Variants in ADGRB3 observed in about 807,000 individuals in gnomAD.
ADGRB3 encodes adhesion G protein-coupled receptor B3.
ADGRB3 carries 37 observed loss-of-function variants against 193.4 expected under a neutral mutation model. The observed-to-expected ratio is 0.19, with a 90% CI of 0.15 to 0.25. ADGRB3 has a LOEUF of 0.25. Ranked by LOEUF, ADGRB3 falls within the 10% of genes least tolerant of loss-of-function variation. ADGRB3 has a pLI of 1.00. For missense variants in ADGRB3, 1,637 were observed against 1,852.9 expected, an observed-to-expected ratio of 0.88 and a Z score of 2.14; for synonymous variants, 690 against 644.2, an observed-to-expected ratio of 1.07 and a Z score of -1.08.
At chr6:68,814,575 G>C (rs570272697) in intron 3 of ADGRB3, among the ~76,000 whole-genome samples, 2 of 152,138 alleles carry the variant, frequency 1.3e-5, no homozygotes, top group East Asian at 3.9e-4. Context: ...TGTCAATTTT[G>C]GCTTTTGTTG....
intron 17 of ADGRB3, among the ~76,000 whole-genome samples, chr6:69,231,497 G>A (rs1415124187): frequency 6.6e-6 from 1 of 152,132 alleles, no homozygotes; most frequent in Non-Finnish European, 1.5e-5. Flanking sequence ...TCTCTTAAGT[G>A]TATCTTTCTT....
intron 3 of ADGRB3, among the ~76,000 whole-genome samples, chr6:68,727,077 G>A (rs779555136): frequency 2.6e-5 from 4 of 151,526 alleles, no homozygotes; most frequent in Non-Finnish European, 4.4e-5. Flanking sequence ...CCGTGTGGTA[G>A]CCCCTGTAAG....
intron 17 of ADGRB3, among the ~76,000 whole-genome samples, chr6:69,138,028 C>T (rs1215731599): frequency 7.9e-5 from 12 of 152,144 alleles, no homozygotes; most frequent in Non-Finnish European, 1.5e-5. Flanking sequence ...TACAGAATAA[C>T]ATGGAAGAGC....
chr6:69,279,454 G>C (rs1358513828), intron 20 of ADGRB3, among the ~76,000 whole-genome samples: 1 of 147,976 alleles, frequency 6.8e-6, no homozygotes, highest in Non-Finnish European at 1.5e-5. Context: ...CAAGAATGCT[G>C]TGTGTGTGTG....
At chr6:68,642,671 T>C (rs1409092203) in intron 3 of ADGRB3, among the ~76,000 whole-genome samples, 2 of 152,068 alleles carry the variant, frequency 1.3e-5, no homozygotes, top group African/African-American at 4.8e-5. Flanking sequence ...GAAACTCAGT[T>C]ATTTCCCTAA....
At chr6:68,850,383 A>G (rs1768373526) in intron 3 of ADGRB3, among the ~76,000 whole-genome samples, 2 of 151,938 alleles carry the variant, frequency 1.3e-5, no homozygotes, top group Non-Finnish European at 2.9e-5. Context: ...TTATTGGGTT[A>G]CATTTTTGTT....
intron 3 of ADGRB3, among the ~76,000 whole-genome samples, chr6:68,887,896 C>T (rs142909141): frequency 1.9e-4 from 29 of 152,192 alleles, no homozygotes; most frequent in Middle Eastern, 3.4e-3. Context: ...TTTCCAAGTT[C>T]GTTATGAACA....
chr6:69,193,863 C>A (rs1009526231), intron 17 of ADGRB3, among the ~76,000 whole-genome samples: 2 of 151,454 alleles, frequency 1.3e-5, no homozygotes, highest in Non-Finnish European at 2.9e-5. Flanking sequence ...ACCATGAAAA[C>A]CCAGGTCAAA....
At chr6:69,049,645 A>G (rs1027298968) in intron 15 of ADGRB3, among the ~76,000 whole-genome samples, 1 of 152,126 alleles carries the variant, frequency 6.6e-6, no homozygotes, top group Admixed American at 6.5e-5. Context: ...TCTATAATAG[A>G]ATGGGTCATT....
At chr6:69,072,741 A>T (rs183986626) in intron 16 of ADGRB3, among the ~76,000 whole-genome samples, 1 of 152,302 alleles carries the variant, frequency 6.6e-6, no homozygotes, top group Non-Finnish European at 1.5e-5. Flanking sequence ...CATACTCTTC[A>T]CTGTGATGTT....
intron 16 of ADGRB3, among the ~76,000 whole-genome samples, chr6:69,070,662 T>G (rs542416901): frequency 6.6e-6 from 1 of 152,210 alleles, no homozygotes; most frequent in African/African-American, 2.4e-5. Context: ...ATTATTAAAA[T>G]GCAGATTTCT....
rs553614995 is a variant in ADGRB3 at position 68,981,040 on chromosome 6, C to A, written c.1734+5700C>A. On this transcript the variant is annotated intron_variant, in intron 10 of 31. Coordinates refer to ENST00000370598, the MANE Select transcript of ADGRB3 (RefSeq NM_001704.3). ...TGCATCCATATACATGTATTTCTAA[C>A]TACATGGTCCTCTCATGAAATCATG... 9.9e-5 allele frequency among the ~76,000 whole-genome samples: 15 copies of A among 151,646 alleles called. No homozygotes were observed. The South Asian group carries it at 3.1e-3, about 32-fold the overall frequency.
At chr6:68,732,613 G>A (rs555306627) in intron 3 of ADGRB3, among the ~76,000 whole-genome samples, 5 of 152,028 alleles carry the variant, frequency 3.3e-5, no homozygotes, top group Non-Finnish European at 5.9e-5. Context: ...ACTTTGCAGA[G>A]CATTCAGCTG....
intron 8 of ADGRB3, among the ~76,000 whole-genome samples, chr6:68,958,746 A>G (rs1175912093): frequency 1.3e-5 from 2 of 152,168 alleles, no homozygotes; most frequent in Admixed American, 1.3e-4. Context: ...CTTTTCAATT[A>G]TATGAGATGA....
chr6:69,215,542 T>C (rs2127243981), intron 17 of ADGRB3, among the ~76,000 whole-genome samples: 1 of 152,154 alleles, frequency 6.6e-6, no homozygotes, highest in East Asian at 1.9e-4. Context: ...GAAATATCCA[T>C]TGCTTTCAAA....
chr6:68,929,275 C>T lies in ADGRB3; in HGVS notation c.758-1284C>T, dbSNP rs182175856. 2.0e-3 allele frequency among the ~76,000 whole-genome samples: 299 copies of T among 152,260 alleles called. 2 individuals carry two copies. Among genetic ancestry groups the T allele is most frequent in the Middle Eastern group, 0.01 (3 of 294 alleles). ...CTGCCTTGGATATTTTCTCACCTGA[C>T]AAAAACAAACACACATTTAGATTTC... is the stretch of plus-strand genomic sequence containing the variant. On this transcript the variant is annotated intron_variant, in intron 3 of 31. Transcript: ENST00000370598.
chr6:68,860,588 A>C (rs1029160065), intron 3 of ADGRB3, among the ~76,000 whole-genome samples: 4 of 152,242 alleles, frequency 2.6e-5, no homozygotes, highest in Non-Finnish European at 5.9e-5. Context: ...ATGGCTACAT[A>C]GTATTCCATG....
chr6:68,949,784 T>G (rs552975288), intron 6 of ADGRB3, among the ~76,000 whole-genome samples: 129 of 152,306 alleles, frequency 8.5e-4, no homozygotes, highest in Non-Finnish European at 1.5e-3. Flanking sequence ...ATTCCAGTGC[T>G]TTTTCAGTTC....
At chr6:69,269,887 T>C (rs1767135710) in intron 20 of ADGRB3, among the ~76,000 whole-genome samples, 2 of 152,176 alleles carry the variant, frequency 1.3e-5, no homozygotes, top group Middle Eastern at 3.2e-3. Flanking sequence ...ACAAAATCCT[T>C]CTTCCATCAA....
Sources: allele counts gnomAD v4.1 joint callset (sites outside exome capture counted in the v4.1 genomes callset), GRCh38; gene constraint gnomAD v4.1.1; transcripts MANE v1.5; gene names NCBI Gene and HGNC (gene_info 2026-07-23, HGNC 2026-07-21).